The following ZNF678 variants were observed in gnomAD, a reference collection of about 807,000 sequenced individuals.
The protein encoded by ZNF678 is zinc finger protein 678.
A neutral mutation model predicts 3.0 loss-of-function variants in ZNF678; 5 were observed. The ratio of observed to expected loss-of-function variants is 1.69; its 90% CI spans 0.88 to 3.56. The LOEUF (loss-of-function observed/expected upper bound fraction) is 3.56. Among genes scored for constraint, ZNF678 ranks in the 30% most tolerant of loss-of-function variants. The pLI is 0.00. For synonymous variants in ZNF678, 218 were observed against 199.6 expected (o/e 1.09, Z -0.78); for missense variants, 593 against 605.0 (o/e 0.98, Z 0.21).
In ZNF678 at chr1:227,595,226, C is replaced by T. The variant is rs577061296; in HGVS notation, c.-164+31502C>T. On this transcript the variant is annotated intron_variant, in intron 1 of 3. Transcript: ENST00000343776. ...TCTGTCTTTGACTTTGTCTCTCTCT[C>T]TTTGACTTTCCTTTTGCCTCTGTCT... Among the ~76,000 whole-genome samples, 34 of 150,842 alleles carry T rather than the reference C, an allele frequency of 2.3e-4. No individual in the cohort carries two copies. The South Asian group carries it at 5.0e-3, about 22-fold the overall frequency.
downstream of ZNF678, among the ~76,000 whole-genome samples, chr1:227,664,890 T>G (rs903065858): frequency 3.3e-5 from 5 of 152,178 alleles, no homozygotes; most frequent in Admixed American, 2.0e-4. Context: ...TACACAGTTA[T>G]GCAAGCACAG....
rs753386924 is a variant in ZNF678 at position 227,655,475 on chromosome 1, G to T, written c.1225G>T (p.Glu409Ter). 1 of 1,612,516 alleles carries T rather than the reference G, an allele frequency of 6.2e-7. No homozygotes were observed. The highest frequency in any genetic ancestry group is 8.5e-7 in the Non-Finnish European group (1 of 1,179,288). ...TGGAGTGAAACCCTACAAATGTGAA[G>T]AATGTGGGAAAGTTTTTAAACAGTG... ...HTGVKPYKCE[E>*]CGKVFKQCSH... The change falls in exon 4 of 4, where the codon GAA (glutamate) becomes TAA (stop). Residue 409 changes from glutamate to a stop codon, truncating the protein, a stop_gained. Coordinates refer to ENST00000343776, the MANE Select transcript of ZNF678 (RefSeq NM_001367909.1). LOFTEE classifies it low-confidence loss of function (END_TRUNC).
At chr1:227,622,860 T>A (rs1274770337) in intron 1 of ZNF678, among the ~76,000 whole-genome samples, 4 of 152,190 alleles carry the variant, frequency 2.6e-5, no homozygotes, top group Admixed American at 2.0e-4. Flanking sequence ...ATTTGTCACT[T>A]CAGACATCCT....
intron 1 of ZNF678, among the ~76,000 whole-genome samples, chr1:227,575,626 G>A (rs1558129534): frequency 6.6e-6 from 1 of 152,136 alleles, no homozygotes; most frequent in Non-Finnish European, 1.5e-5. Flanking sequence ...TTGTTTGTCA[G>A]CATAGGGAGA....
At chr1:227,647,601 A>G (rs1284883532) in intron 2 of ZNF678, among the ~76,000 whole-genome samples, 1 of 152,188 alleles carries the variant, frequency 6.6e-6, no homozygotes, top group African/African-American at 2.4e-5. Flanking sequence ...TCAAGGAGAA[A>G]GCCAGAAATG....
At chr1:227,667,062 T>A (rs1054473090), downstream of ZNF678, among the ~76,000 whole-genome samples, 7 of 151,636 alleles carry the variant, frequency 4.6e-5, no homozygotes, top group East Asian at 1.2e-3. Flanking sequence ...TTTTTTTTTT[T>A]AAACAGAAAC....
At chr1:227,599,002 C>T in intron 1 of ZNF678, 1 of 1,345,204 alleles carries the variant, frequency 7.4e-7, no homozygotes. Context: ...CCTTTCTTTT[C>T]TCCTCTTCTA....
chr1:227,608,991 C>T (rs1036192820), intron 1 of ZNF678, among the ~76,000 whole-genome samples: 1 of 151,946 alleles, frequency 6.6e-6, no homozygotes, highest in African/African-American at 2.4e-5. Flanking sequence ...ATTTATAAGC[C>T]ACATAGGAAA....
At chr1:227,577,734 C>T (rs1657021780) in intron 1 of ZNF678, among the ~76,000 whole-genome samples, 1 of 152,050 alleles carries the variant, frequency 6.6e-6, no homozygotes, top group African/African-American at 2.4e-5. Flanking sequence ...AGTCCATTTC[C>T]ATTTAAGGTT....
chr1:227,673,304 C>G (rs1659631678), intron 5 of ZNF678, among the ~76,000 whole-genome samples: 1 of 152,210 alleles, frequency 6.6e-6, no homozygotes, highest in Non-Finnish European at 1.5e-5. Context: ...CTGGAGGGCT[C>G]AAGACTGCTG....
At chr1:227,578,308 G>A (rs913647467) in intron 1 of ZNF678, among the ~76,000 whole-genome samples, 2 of 152,116 alleles carry the variant, frequency 1.3e-5, no homozygotes, top group Non-Finnish European at 2.9e-5. Flanking sequence ...GAAAGTTCTC[G>A]TGGATGACAT....
intron 1 of ZNF678, among the ~76,000 whole-genome samples, chr1:227,600,432 G>A (rs1299740133): frequency 6.6e-6 from 1 of 152,110 alleles, no homozygotes; most frequent in Non-Finnish European, 1.5e-5. Context: ...TACCAACAGT[G>A]TATAAGCGTT....
rs569812331 is a variant in ZNF678, at chr1:227,623,937, A to T, written c.-163-22607A>T. ...CATTTTATATATTTTGAATGGATAG[A>T]CACATTTCTGGACTCTATGTTTCCT... is the stretch of plus-strand genomic sequence containing the variant. On this transcript the variant is annotated intron_variant, in intron 1 of 3. Transcript: ENST00000343776. Among the ~76,000 whole-genome samples the T allele has an allele frequency of 1.4e-4, 21 of 152,328 alleles. No homozygotes were observed. In the South Asian group the frequency reaches 3.1e-3, roughly 23 times the overall value.
At position 227,632,744 on chromosome 1, in the gene ZNF678, C is replaced by T. The variant is rs542767290; in HGVS notation, c.-163-13800C>T. On this transcript the variant is annotated intron_variant, in intron 1 of 3. Coordinates refer to ENST00000343776, the MANE Select transcript of ZNF678 (RefSeq NM_001367909.1). ...AGGAAGGATAGGACAGAATAGCAAG[C>T]GAAAATCGTCCAATATTACTCACTG... Among the ~76,000 whole-genome samples the T allele has an allele frequency of 2.8e-4, 42 of 152,234 alleles. No homozygotes were observed. The South Asian group carries it at 3.7e-3, about 14-fold the overall frequency.
At position 227,650,937 on chromosome 1, in the gene ZNF678, G is replaced by A. The variant is rs1265116376; in HGVS notation, c.-36-19G>A. The A allele has an allele frequency of 1.2e-5, 18 of 1,511,100 alleles. No individual in the cohort carries two copies. The highest frequency in any genetic ancestry group is 1.4e-5 in the Non-Finnish European group (16 of 1,125,224). The allele number at this position is 1,511,100 out of a possible 1,614,324, so 93.6% of individuals were successfully genotyped here. A position where few individuals can be genotyped will look rare whatever the true frequency, so the allele number is the denominator to read the frequency against. Reference sequence around the variant, plus strand: ...TTTATGGCTTTTAAAAAATTTTCTTGCCTAATTGTTCTGTCTAGGACTTCC... The same window carrying A: ...TTTATGGCTTTTAAAAAATTTTCTTACCTAATTGTTCTGTCTAGGACTTCC... On this transcript the variant is annotated intron_variant, in intron 2 of 3. Coordinates refer to ENST00000343776, the MANE Select transcript of ZNF678 (RefSeq NM_001367909.1).
At chr1:227,630,578 A>G (rs1658524132) in intron 1 of ZNF678, among the ~76,000 whole-genome samples, 1 of 152,222 alleles carries the variant, frequency 6.6e-6, no homozygotes, top group Non-Finnish European at 1.5e-5. Context: ...TATAGCCATC[A>G]GGGTTATCTG....
intron 3 of ZNF678, among the ~76,000 whole-genome samples, chr1:227,651,868 C>T (rs1571915010): frequency 1.3e-5 from 2 of 152,176 alleles, no homozygotes; most frequent in East Asian, 3.9e-4. Context: ...GGTATGGTGC[C>T]CGGCTCTGTC....
intron 1 of ZNF678, among the ~76,000 whole-genome samples, chr1:227,581,624 G>A (rs1657130945): frequency 6.6e-6 from 1 of 152,034 alleles, no homozygotes; most frequent in Non-Finnish European, 1.5e-5. Context: ...TATACTTATT[G>A]CTGTATTGTA....
At chr1:227,597,713 A>G (rs1424634130) in intron 1 of ZNF678, among the ~76,000 whole-genome samples, 1 of 152,232 alleles carries the variant, frequency 6.6e-6, no homozygotes, top group Non-Finnish European at 1.5e-5. Context: ...TTGGCATGAC[A>G]ACAGGCTGAA....
Sources: gnomAD v4.1 joint callset for allele counts (sites outside exome capture counted in the v4.1 genomes callset) on GRCh38, gnomAD v4.1.1 for gene constraint, MANE v1.5 for transcripts, NCBI Gene and HGNC (gene_info 2026-07-23, HGNC 2026-07-21) for gene names.